The following IMMP2L variants were observed in gnomAD, a reference collection of about 807,000 sequenced individuals.
The protein encoded by IMMP2L is mitochondrial inner membrane protease subunit 2.
A neutral mutation model predicts 19.3 loss-of-function variants in IMMP2L; 18 were observed. That is an observed-to-expected ratio of 0.93 (90% CI 0.64 to 1.38). IMMP2L has a LOEUF of 1.38. Ranked by LOEUF, IMMP2L falls within the 40% of genes most tolerant of loss-of-function variation. The pLI, the probability that IMMP2L is intolerant of heterozygous loss-of-function variation, is 0.00. For missense variants in IMMP2L, 233 were observed against 218.2 expected (o/e 1.07, Z -0.43); for synonymous variants, 76 against 73.0 (o/e 1.04, Z -0.21).
At chr7:111,167,272 T>A (rs574518039) in intron 3 of IMMP2L, among the ~76,000 whole-genome samples, 1 of 152,156 alleles carries the variant, frequency 6.6e-6, no homozygotes, top group African/African-American at 2.4e-5. Flanking sequence ...TACTTTTGAC[T>A]GGACCCTAAC....
At chr7:110,810,084 C>T (rs1801918340) in intron 5 of IMMP2L, among the ~76,000 whole-genome samples, 1 of 152,058 alleles carries the variant, frequency 6.6e-6, no homozygotes, top group South Asian at 2.1e-4. Context: ...TTCTGCCTTG[C>T]CGGCTTCCAT....
chr7:111,379,731 A>G (rs2131205790), intron 3 of IMMP2L, among the ~76,000 whole-genome samples: 1 of 152,018 alleles, frequency 6.6e-6, no homozygotes, highest in Non-Finnish European at 1.5e-5. Context: ...AAATAACAAA[A>G]TTGTCTAACA....
chr7:111,025,799 C>T (rs994843856), intron 3 of IMMP2L, among the ~76,000 whole-genome samples: 2 of 152,074 alleles, frequency 1.3e-5, no homozygotes, highest in Non-Finnish European at 2.9e-5. Flanking sequence ...GTATGAATAA[C>T]GAATCTCATT....
At chr7:111,014,377 G>GTA (rs562182201) in intron 3 of IMMP2L, among the ~76,000 whole-genome samples, 98 of 151,224 alleles carry the variant, frequency 6.5e-4, no homozygotes, top group Middle Eastern at 6.8e-3. Context: ...AATTGTGTGT[G>GTA]TATATATATA....
intron 3 of IMMP2L, among the ~76,000 whole-genome samples, chr7:111,156,626 G>C (rs1056503355): frequency 2.0e-5 from 3 of 151,998 alleles, no homozygotes; most frequent in African/African-American, 7.2e-5. Context: ...TTTTAGCTTT[G>C]AAATGTGTGC....
chr7:111,511,220 T>C (rs946339695), intron 2 of IMMP2L, among the ~76,000 whole-genome samples: 1 of 151,998 alleles, frequency 6.6e-6, no homozygotes, highest in Non-Finnish European at 1.5e-5. Flanking sequence ...GGAAAGAAGA[T>C]AAACTAGAGG....
chr7:111,237,063 A>G (rs1000330196), intron 3 of IMMP2L, among the ~76,000 whole-genome samples: 1 of 152,176 alleles, frequency 6.6e-6, no homozygotes, highest in Non-Finnish European at 1.5e-5. Flanking sequence ...GGAATATATA[A>G]TAATTTTCAA....
intron 2 of IMMP2L, among the ~76,000 whole-genome samples, chr7:111,512,170 T>C (rs987142809): frequency 6.6e-6 from 1 of 152,146 alleles, no homozygotes; most frequent in African/African-American, 2.4e-5. Flanking sequence ...ATGTGGTATA[T>C]TCATACAGAG....
At chr7:111,274,048 A>G (rs559600725) in intron 3 of IMMP2L, among the ~76,000 whole-genome samples, 30 of 152,192 alleles carry the variant, frequency 2.0e-4, no homozygotes, top group African/African-American at 6.5e-4. Context: ...CCTATTCTTT[A>G]TTTACTCTGC....
chr7:111,180,991 G>T (rs748260015), intron 3 of IMMP2L, among the ~76,000 whole-genome samples: 4 of 151,828 alleles, frequency 2.6e-5, no homozygotes, highest in Non-Finnish European at 5.9e-5. Flanking sequence ...TATAACCACC[G>T]AATATTATAC....
intron 4 of IMMP2L, among the ~76,000 whole-genome samples, chr7:110,906,990 A>T (rs115968819): frequency 1.8e-4 from 27 of 152,082 alleles, no homozygotes; most frequent in Middle Eastern, 3.4e-3. Flanking sequence ...TGGGGTGAGT[A>T]CTTTTGGGTG....
intron 3 of IMMP2L, among the ~76,000 whole-genome samples, chr7:111,120,452 C>T (rs1301308290): frequency 6.6e-6 from 1 of 152,054 alleles, no homozygotes; most frequent in African/African-American, 2.4e-5. Context: ...GGGGAAACTG[C>T]CCCCATGATT....
chr7:111,346,321 G>A (rs982341443), intron 3 of IMMP2L, among the ~76,000 whole-genome samples: 5 of 152,122 alleles, frequency 3.3e-5, no homozygotes, highest in Non-Finnish European at 1.5e-5. Flanking sequence ...CCTAACCCTT[G>A]TCCTGGGCTA....
At chr7:111,334,545 A>G (rs1826204751) in intron 3 of IMMP2L, among the ~76,000 whole-genome samples, 1 of 152,144 alleles carries the variant, frequency 6.6e-6, no homozygotes, top group South Asian at 2.1e-4. Flanking sequence ...TCTATCAATG[A>G]AATTTTAAAA....
At chr7:110,929,110 A>G (rs1815195747) in intron 4 of IMMP2L, among the ~76,000 whole-genome samples, 1 of 152,146 alleles carries the variant, frequency 6.6e-6, no homozygotes, top group Non-Finnish European at 1.5e-5. Context: ...TTGTCAACTG[A>G]AAGTCAGAAA....
intron 3 of IMMP2L, among the ~76,000 whole-genome samples, chr7:111,136,697 A>G (rs1802379688): frequency 6.6e-6 from 1 of 152,190 alleles, no homozygotes; most frequent in African/African-American, 2.4e-5. Context: ...TTCAAATGGA[A>G]GCAAAGCCAG....
intron 4 of IMMP2L, among the ~76,000 whole-genome samples, chr7:110,890,381 C>T (rs950496836): frequency 6.6e-6 from 1 of 152,114 alleles, no homozygotes; most frequent in Non-Finnish European, 1.5e-5. Flanking sequence ...AAGAACTCTT[C>T]GAGCTATAGA....
chr7:111,454,460 C>G (rs984750986), intron 3 of IMMP2L, among the ~76,000 whole-genome samples: 1 of 151,834 alleles, frequency 6.6e-6, no homozygotes, highest in Admixed American at 6.6e-5. Context: ...GCGATTAACC[C>G]CATTAAAAAA....
At position 110,839,743 on chromosome 7, in the gene IMMP2L, T is replaced by C. The variant is rs142638168; in HGVS notation, c.408+46850A>G. Among the ~76,000 whole-genome samples the C allele has an allele frequency of 4.9e-3, 746 of 152,274 alleles. 12 individuals are homozygous for C. The highest frequency in any genetic ancestry group is 2.8e-3 in the Non-Finnish European group (193 of 68,014). ...CTGTTATGAATAGATAACAGCTATA[T>C]ATGATATCTATTCATATTAATCAAT... On this transcript the variant is annotated intron_variant, in intron 5 of 5. Transcript: ENST00000405709.
Sources: allele counts gnomAD v4.1 joint callset (sites outside exome capture counted in the v4.1 genomes callset), GRCh38; gene constraint gnomAD v4.1.1; transcripts MANE v1.5; gene names NCBI Gene and HGNC (gene_info 2026-07-23, HGNC 2026-07-21).